Variants in BRMS1L observed in about 807,000 individuals in gnomAD.
BRMS1L encodes BRMS1 like transcriptional repressor, also known as breast cancer metastasis-suppressor 1-like protein.
A neutral mutation model predicts 50.3 loss-of-function variants in BRMS1L; 23 were observed. The ratio of observed to expected loss-of-function variants is 0.46; its 90% CI spans 0.33 to 0.65. The LOEUF (loss-of-function observed/expected upper bound fraction) is 0.65, where lower values mean the gene tolerates loss of function less well. Among genes scored for constraint, BRMS1L ranks in the 30% least tolerant of loss-of-function variants. The probability of loss-of-function intolerance (pLI) is 0.02; values close to 1 mark genes in which losing one functional copy is unlikely to be tolerated. For synonymous variants in BRMS1L, 114 were observed against 126.9 expected (o/e 0.90, Z 0.69); for missense variants, 286 against 386.1 (o/e 0.74, Z 2.17).
intron 1 of BRMS1L, among the ~76,000 whole-genome samples, chr14:35,828,360 G>C (rs1026077448): frequency 1.3e-5 from 2 of 151,062 alleles, no homozygotes; most frequent in Non-Finnish European, 2.9e-5. Flanking sequence ...TTTTAGTAGA[G>C]ACAGGGTTTC....
At chr14:35,867,319 C>T (rs1566431668) in intron 8 of BRMS1L, among the ~76,000 whole-genome samples, 3 of 152,078 alleles carry the variant, frequency 2.0e-5, no homozygotes, top group Non-Finnish European at 4.4e-5. Flanking sequence ...TTAGGGAAGA[C>T]CTCTCAGGAG....
chr14:35,827,442 A>G (rs1367886987), intron 1 of BRMS1L, among the ~76,000 whole-genome samples: 1 of 152,238 alleles, frequency 6.6e-6, no homozygotes, highest in African/African-American at 2.4e-5. Context: ...GATTCAAATG[A>G]TGGAGATGAG....
intron 4 of BRMS1L, among the ~76,000 whole-genome samples, chr14:35,837,127 C>T (rs1017555561): frequency 1.3e-4 from 20 of 151,800 alleles, no homozygotes; most frequent in East Asian, 5.8e-4. Context: ...TGGTGGCATG[C>T]GCCTGTAATC....
chr14:35,828,258 C>T (rs574508404), intron 1 of BRMS1L, among the ~76,000 whole-genome samples: 135 of 151,982 alleles, frequency 8.9e-4, no homozygotes, highest in Non-Finnish European at 1.3e-3. Flanking sequence ...CTGCAACCTC[C>T]GCCTCCTGGG....
At chr14:35,856,256 A>G (rs1157733278) in intron 4 of BRMS1L, among the ~76,000 whole-genome samples, 1 of 152,220 alleles carries the variant, frequency 6.6e-6, no homozygotes, top group African/African-American at 2.4e-5. Flanking sequence ...AAATTAAGGA[A>G]GGAAATCACA....
At chr14:35,869,930 A>G (rs2078467764) in intron 9 of BRMS1L, among the ~76,000 whole-genome samples, 1 of 152,174 alleles carries the variant, frequency 6.6e-6, no homozygotes, top group Non-Finnish European at 1.5e-5. Context: ...TGTAAAGATT[A>G]GTAGTGTAAA....
intron 1 of BRMS1L, 154 bp downstream of exon 1, chr14:35,826,812 C>T: frequency 5.5e-6 from 6 of 1,095,444 alleles, no homozygotes; most frequent in East Asian, 2.8e-5. Flanking sequence ...GCACCCTGAC[C>T]GGTCGCTGGG....
chr14:35,826,530 C>A lies in BRMS1L; in HGVS notation c.14C>A (p.Ser5Tyr), dbSNP rs750513925. 2 of 1,592,048 alleles carry A rather than the reference C, an allele frequency of 1.3e-6. No homozygotes were observed. The highest frequency in any genetic ancestry group is 8.5e-7 in the Non-Finnish European group (1 of 1,170,272). ...CGCGGCTGGAAAATGCCAGTCCATT[C>A]CCGAGGGGATAAGAAGGAGACCAAC... MPVH[S>Y]RGDKKETNHH... Residue 5 changes from serine (S) to tyrosine (Y), a missense_variant, in exon 1 of 10, where the codon TCC (serine) becomes TAC (tyrosine). Around this residue, in one of 5 missense-constraint regions of BRMS1L, gnomAD observed 66 missense variants for 67.8 expected, o/e 0.97. Coordinates refer to ENST00000216807, the MANE Select transcript of BRMS1L (RefSeq NM_032352.4).
chr14:35,853,577 C>T lies in BRMS1L; in HGVS notation c.442-9013C>T, dbSNP rs546112172. On this transcript the variant is annotated intron_variant, in intron 4 of 9. Transcript: ENST00000216807. ...TACAGGTGCAAACCATCACACCTGG[C>T]TAATTAAGAAAAAAAAAAAAAGTCT... 6.6e-5 allele frequency among the ~76,000 whole-genome samples: 10 copies of T among 150,902 alleles called. No individual in the cohort carries two copies. In the East Asian group the frequency reaches 1.8e-3, roughly 26 times the overall value.
At chr14:35,837,942 T>C (rs528594819) in intron 4 of BRMS1L, among the ~76,000 whole-genome samples, 5 of 152,312 alleles carry the variant, frequency 3.3e-5, no homozygotes, top group African/African-American at 1.2e-4. Flanking sequence ...GTTACATAGG[T>C]ATACATGTGC....
intron 6 of BRMS1L, among the ~76,000 whole-genome samples, chr14:35,864,371 C>T (rs1011615545): frequency 6.6e-6 from 1 of 152,072 alleles, no homozygotes; most frequent in African/African-American, 2.4e-5. Context: ...AGGTGATCCT[C>T]CCACCTTAGC....
chr14:35,851,352 GATTT>G (rs200829810), intron 4 of BRMS1L, among the ~76,000 whole-genome samples: 3,115 of 145,504 alleles, frequency 0.021, 119 homozygotes, highest in South Asian at 0.15. Flanking sequence ...GACATGAAGT[GATTT>G]CCAGATGTCT....
At chr14:35,859,654 A>G (rs539474184) in intron 4 of BRMS1L, among the ~76,000 whole-genome samples, 1 of 151,902 alleles carries the variant, frequency 6.6e-6, no homozygotes, top group Admixed American at 6.6e-5. Flanking sequence ...TATTTATTTG[A>G]ATTTTTTTTT....
At chr14:35,854,219 C>T (rs945629193) in intron 4 of BRMS1L, among the ~76,000 whole-genome samples, 2 of 152,202 alleles carry the variant, frequency 1.3e-5, no homozygotes, top group South Asian at 2.1e-4. Context: ...AAAGAACATC[C>T]TAGGCATCCC....
intron 4 of BRMS1L, among the ~76,000 whole-genome samples, chr14:35,847,145 T>C (rs761766781): frequency 1.3e-5 from 2 of 152,030 alleles, no homozygotes; most frequent in Non-Finnish European, 2.9e-5. Flanking sequence ...GGCTACTTTT[T>C]ATATTTATTT....
At chr14:35,856,631 A>T (rs2078283410) in intron 4 of BRMS1L, among the ~76,000 whole-genome samples, 1 of 150,620 alleles carries the variant, frequency 6.6e-6, no homozygotes, top group South Asian at 2.1e-4. Flanking sequence ...TTTGTTTTTG[A>T]GACAGAGTCT....
At chr14:35,835,863 A>G (rs1233560970) in intron 4 of BRMS1L, among the ~76,000 whole-genome samples, 1 of 152,136 alleles carries the variant, frequency 6.6e-6, no homozygotes, top group African/African-American at 2.4e-5. Flanking sequence ...CAACTACAAC[A>G]ACAACAAACA....
Position 35,826,358 on chromosome 14 carries a change from T to C in BRMS1L, c.-159T>C. 1 of 1,081,302 alleles carries C rather than the reference T, an allele frequency of 9.2e-7. No homozygotes were observed. 67.0% of individuals were successfully genotyped at this position (1,081,302 alleles called of 1,614,324 possible). ...ATGGCAGAGCTCCCATCGCAGAGCC[T>C]GCGGGTTAGGTTGTGAGGCCCGGGC... On this transcript the variant is annotated 5_prime_UTR_variant, in exon 1 of 10. Transcript: ENST00000216807.
At chr14:35,863,595 T>C (rs1039862435) in intron 5 of BRMS1L, among the ~76,000 whole-genome samples, 3 of 152,186 alleles carry the variant, frequency 2.0e-5, no homozygotes, top group African/African-American at 4.8e-5. Flanking sequence ...GGTGAGACAA[T>C]GCATGTAATA....
Sources: gnomAD v4.1 joint callset for allele counts (sites outside exome capture counted in the v4.1 genomes callset) on GRCh38, gnomAD v4.1.1 for gene constraint, gnomAD v4.1.1 regional missense constraint, MANE v1.5 for transcripts, NCBI Gene and HGNC (gene_info 2026-07-23, HGNC 2026-07-21) for gene names.